The following DNM1 variants were observed in gnomAD, a reference collection of about 807,000 sequenced individuals.
DNM1 encodes dynamin-1.
A neutral mutation model predicts 104.6 loss-of-function variants in DNM1; 29 were observed. The ratio of observed to expected loss-of-function variants is 0.28; its 90% CI spans 0.21 to 0.38. The LOEUF (loss-of-function observed/expected upper bound fraction) is 0.38. Among genes scored for constraint, DNM1 ranks in the 10% least tolerant of loss-of-function variants. The pLI, the probability that DNM1 is intolerant of heterozygous loss-of-function variation, is 1.00. For synonymous variants in DNM1, 445 were observed against 475.8 expected (o/e 0.94, Z 0.84); for missense variants, 640 against 1,189.4 (o/e 0.54, Z 6.79).
At position 128,250,690 on chromosome 9, in the gene DNM1, G is replaced by C. The variant is rs749224442; in HGVS notation, c.2319-35G>C. 4.2e-6 allele frequency: 6 copies of C among 1,444,642 alleles called. No homozygotes were observed. In the South Asian group the frequency reaches 8.1e-5, roughly 20 times the overall value. The allele number at this position is 1,444,642 out of a possible 1,614,324, so 89.5% of individuals were successfully genotyped here. A position where few individuals can be genotyped will look rare whatever the true frequency, so the allele number is the denominator to read the frequency against. On this transcript the variant is annotated intron_variant, in intron 20 of 21. Transcript: ENST00000372923. The stretch of plus-strand genomic sequence containing the variant: ...CTGGGTGGGCGGAGCTGCTCATCTC[G>C]CCTCTCCTTGTTCCTCGCTCCCTGT...
intron 10 of DNM1, among the ~76,000 whole-genome samples, chr9:128,226,558 CAG>C (rs1292495189): frequency 1.3e-5 from 2 of 152,226 alleles, no homozygotes; most frequent in Non-Finnish European, 2.9e-5. Flanking sequence ...GATGGCAAAA[CAG>C]AGTCTCAGAA....
rs990864122 is a variant in DNM1, at chr9:128,224,510, G to A, written c.1335+121G>A. The A allele has an allele frequency of 1.1e-6, 1 of 946,008 alleles. No homozygotes were observed. Among genetic ancestry groups the A allele is most frequent in the Non-Finnish European group, 1.5e-6 (1 of 661,168 alleles). 58.6% of individuals were successfully genotyped at this position (946,008 alleles called of 1,614,324 possible). ...AGCATGTACAGACCTCAGCGGGGTG[G>A]GGAGGCAGGCCACCACTGAATAGGA... On this transcript the variant is annotated intron_variant, in intron 10 of 21. Coordinates refer to ENST00000372923, the MANE Select transcript of DNM1 (RefSeq NM_004408.4). The surrounding 1 kb of genome is among the most constrained non-coding windows in gnomAD (Gnocchi z 4.3).
Position 128,250,184 on chromosome 9 carries a change from G to A in DNM1, c.2146G>A (p.Glu716Lys). ...YSCGDQNTLM[E>K]ESAEQAQRRD... ...GTGTGGGGACCAGAACACGCTGATG[G>A]AGGAGTCGGCGGAGCAGGCACAGCG... The change falls in exon 20 of 22, where the codon GAG (glutamate) becomes AAG (lysine). Residue 716 changes from glutamate to lysine, a missense_variant. Transcript: ENST00000372923. 1 of 1,614,214 alleles carries A rather than the reference G, an allele frequency of 6.2e-7. No homozygotes were observed. The highest frequency in any genetic ancestry group is 1.1e-5 in the South Asian group (1 of 91,082).
intron 1 of DNM1, among the ~76,000 whole-genome samples, chr9:128,205,545 G>T (rs3003570): frequency 6.6e-6 from 1 of 152,038 alleles, no homozygotes; most frequent in East Asian, 1.9e-4. Flanking sequence ...TAATCTCGAC[G>T]CTGCACATCC....
chr9:128,219,078 G>T lies in DNM1; in HGVS notation c.415G>T (p.Gly139Ter). 6.2e-7 allele frequency: 1 copy of T among 1,614,092 alleles called. No individual in the cohort carries two copies. Among genetic ancestry groups the T allele is most frequent in the African/African-American group, 1.3e-5 (1 of 75,052 alleles). Reference protein sequence around the residue: ...VLNLTLVDLPGMTKVPVGDQP... With the variant: ...VLNLTLVDLP The stretch of plus-strand genomic sequence containing the variant: ...GAACCTGACCCTGGTGGACCTGCCC[G>T]GAATGACCAAGGTCCCGGTGGGGGA... Residue 139 changes from glycine (G) to a stop codon, truncating the protein, a stop_gained, in exon 4 of 22, where the codon GGA (glycine) becomes TGA (stop). Coordinates refer to ENST00000372923, the MANE Select transcript of DNM1 (RefSeq NM_004408.4). LOFTEE classifies it high-confidence loss of function.
chr9:128,251,447 A>C, intron 21 of DNM1: 3 of 266,382 alleles, frequency 1.1e-5, no homozygotes, highest in South Asian at 1.0e-4. Flanking sequence ...GGGGGTGTCC[A>C]GCCACTGGCC....
intron 1 of DNM1, among the ~76,000 whole-genome samples, chr9:128,213,123 C>T (rs1317524063): frequency 6.6e-6 from 1 of 152,178 alleles, no homozygotes; most frequent in Non-Finnish European, 1.5e-5. Flanking sequence ...ACTCTGTCAT[C>T]CAGGCTGGAG....
rs780378377 is a variant in DNM1, at chr9:128,207,149, G to A, written c.161+3518G>A. 3.7e-4 allele frequency among the ~76,000 whole-genome samples: 57 copies of A among 152,098 alleles called. 1 individual carries two copies. The highest frequency in any genetic ancestry group is 1.6e-4 in the Non-Finnish European group (11 of 68,018). On this transcript the variant is annotated intron_variant, in intron 1 of 21. Coordinates refer to ENST00000372923, the MANE Select transcript of DNM1 (RefSeq NM_004408.4). Reference sequence around the variant, plus strand: ...CATTAACAGAGTCGGGAAGAGTAAGGAGGAGCAGACTGGGGGGATGGGGGA... The same window carrying A: ...CATTAACAGAGTCGGGAAGAGTAAGAAGGAGCAGACTGGGGGGATGGGGGA...
At chr9:128,225,993 C>T (rs749935067) in intron 10 of DNM1, 54 of 1,603,434 alleles carry the variant, frequency 3.4e-5, no homozygotes, top group African/African-American at 8.0e-5. Flanking sequence ...TCCCCACCCA[C>T]GGCTGCTCCT....
At chr9:128,207,607 C>T (rs1349171028) in intron 1 of DNM1, among the ~76,000 whole-genome samples, 3 of 152,048 alleles carry the variant, frequency 2.0e-5, no homozygotes, top group African/African-American at 4.8e-5. Context: ...TCAGACCTGC[C>T]GAGTATGAAG....
chr9:128,250,846 C>T lies in DNM1; in HGVS notation c.2440C>T (p.Pro814Ser). 1 of 1,301,604 alleles carries T rather than the reference C, an allele frequency of 7.7e-7. No homozygotes were observed. Among genetic ancestry groups the T allele is most frequent in the Non-Finnish European group, 9.7e-7 (1 of 1,032,720 alleles). 80.6% of individuals were successfully genotyped at this position (1,301,604 alleles called of 1,614,324 possible). ...PAGSALGGAP[P>S]VPSRPGASPD... is the part of the protein sequence containing the mutation. ...TGGGTCCGCCCTGGGGGGGGCGCCC[C>T]CCGTGCCCTCCAGGCCGGGGGCTTC... The change falls in exon 21 of 22, where the codon CCC (proline) becomes TCC (serine). Residue 814 changes from proline to serine, a missense_variant. Transcript: ENST00000372923.
At chr9:128,239,401 G>T (rs771534171) in intron 11 of DNM1, 44 bp from the exon 12 acceptor site, 3 of 1,501,496 alleles carry the variant, frequency 2.0e-6, no homozygotes, top group Non-Finnish European at 1.9e-6. Context: ...TTAAAACTTT[G>T]TGGTGTCTTT....
intron 10 of DNM1, among the ~76,000 whole-genome samples, chr9:128,225,079 C>T (rs117142616): frequency 2.0e-5 from 3 of 152,266 alleles, no homozygotes; most frequent in South Asian, 2.1e-4. Context: ...TTTCACAGCA[C>T]GAACACTGAA....
chr9:128,236,852 A>G (rs1299036619), intron 11 of DNM1, among the ~76,000 whole-genome samples: 1 of 152,210 alleles, frequency 6.6e-6, no homozygotes. Context: ...ACTCTGCCTC[A>G]GTAATACCCC....
chr9:128,222,379 C>T lies in DNM1; in HGVS notation c.992+40C>T, dbSNP rs779118506. ...GCTCCTATCACTGAATCCCCGCCCC[C>T]AGCCTCTCAGCGTGGGGCTCTCCCA... On this transcript the variant is annotated intron_variant, in intron 7 of 21. Coordinates refer to ENST00000372923, the MANE Select transcript of DNM1 (RefSeq NM_004408.4). The surrounding 1 kb of genome is among the most constrained non-coding windows in gnomAD (Gnocchi z 7.8). 1 of 1,608,576 alleles carries T rather than the reference C, an allele frequency of 6.2e-7. No individual in the cohort carries two copies. Among genetic ancestry groups the T allele is most frequent in the Non-Finnish European group, 8.5e-7 (1 of 1,176,082 alleles).
chr9:128,230,189 C>A (rs1835590657), intron 10 of DNM1, among the ~76,000 whole-genome samples: 1 of 149,126 alleles, frequency 6.7e-6, no homozygotes, highest in Admixed American at 6.7e-5. Context: ...TGCACTCCAG[C>A]CTGGGTGACA....
Position 128,251,158 on chromosome 9 carries a change from G to A in DNM1, c.2534+218G>A, listed in dbSNP as rs150628885. The A allele has an allele frequency of 9.7e-5, 66 of 681,832 alleles. 2 individuals are homozygous for A. The Middle Eastern group carries it at 8.1e-3, about 84-fold the overall frequency. 42.2% of individuals were successfully genotyped at this position (681,832 alleles called of 1,614,324 possible). ...GAGTCCCGGAGGTGGTCGTTTCTGGGGAGGGGGCTGTGGGGCTCGTCCCAC... is the reference window on the plus strand; with the variant it reads ...GAGTCCCGGAGGTGGTCGTTTCTGGAGAGGGGGCTGTGGGGCTCGTCCCAC... On this transcript the variant is annotated intron_variant, in intron 21 of 21. Transcript: ENST00000372923.
chr9:128,207,652 G>T (rs1366417307), intron 1 of DNM1, among the ~76,000 whole-genome samples: 2 of 152,064 alleles, frequency 1.3e-5, no homozygotes, highest in Non-Finnish European at 2.9e-5. Flanking sequence ...AGAAACCCTG[G>T]GCATGTTCCC....
chr9:128,249,752 G>A (rs1430448932), intron 19 of DNM1, among the ~76,000 whole-genome samples: 1 of 151,978 alleles, frequency 6.6e-6, no homozygotes, highest in Admixed American at 6.6e-5. Context: ...TTTGAGCCCA[G>A]GAGGTTGAGG....
Sources: allele counts gnomAD v4.1 joint callset (sites outside exome capture counted in the v4.1 genomes callset), GRCh38; gene constraint gnomAD v4.1.1; non-coding constraint Gnocchi (gnomAD v3.1); transcripts MANE v1.5; gene names NCBI Gene and HGNC (gene_info 2026-07-23, HGNC 2026-07-21).